The following EFCAB11 variants were observed in gnomAD, a reference collection of about 807,000 sequenced individuals.
EFCAB11 encodes the protein EF-hand calcium-binding domain-containing protein 11.
EFCAB11 carries 14 observed loss-of-function variants against 23.0 expected under a neutral mutation model. The observed-to-expected ratio is 0.61, with a 90% CI of 0.40 to 0.95. EFCAB11 has a LOEUF of 0.95. EFCAB11 is among the 40% of genes least tolerant of loss of function. The probability of loss-of-function intolerance (pLI) is 0.00; values close to 1 mark genes in which losing one functional copy is unlikely to be tolerated. For synonymous variants in EFCAB11, 65 were observed against 66.6 expected (o/e 0.98, Z 0.11); for missense variants, 198 against 195.8 (o/e 1.01, Z -0.07).
intron 5 of EFCAB11, among the ~76,000 whole-genome samples, chr14:89,814,519 A>G (rs989321906): frequency 1.9e-4 from 29 of 152,102 alleles, no homozygotes; most frequent in African/African-American, 6.8e-4. Flanking sequence ...AGCCTGACCA[A>G]CATGGAGAAA....
At chr14:89,860,008 C>T (rs902397435) in intron 5 of EFCAB11, among the ~76,000 whole-genome samples, 4 of 152,184 alleles carry the variant, frequency 2.6e-5, no homozygotes, top group African/African-American at 9.7e-5. Flanking sequence ...GGAACAGAAC[C>T]TAGGTCCTAT....
At chr14:89,825,343 G>A (rs550918325) in intron 5 of EFCAB11, among the ~76,000 whole-genome samples, 2 of 152,216 alleles carry the variant, frequency 1.3e-5, no homozygotes, top group South Asian at 4.1e-4. Context: ...AGTTAAAGCA[G>A]TCCTTAGATG....
chr14:89,919,008 C>A (rs1022367540), intron 5 of EFCAB11, among the ~76,000 whole-genome samples: 1 of 151,110 alleles, frequency 6.6e-6, no homozygotes, highest in Non-Finnish European at 1.5e-5. Flanking sequence ...GGTGGGGGAA[C>A]TGAGTACAGA....
intron 5 of EFCAB11, among the ~76,000 whole-genome samples, chr14:89,887,649 C>G (rs987793515): frequency 6.6e-6 from 1 of 151,982 alleles, no homozygotes. Flanking sequence ...CTGAAAGAAA[C>G]CAGTAAAAGT....
chr14:89,929,403 T>C (rs374723589), intron 5 of EFCAB11, among the ~76,000 whole-genome samples: 2 of 152,138 alleles, frequency 1.3e-5, no homozygotes. Context: ...TTACAGATTT[T>C]TGAGACAGAG....
At chr14:89,877,984 T>C (rs1440920721) in intron 5 of EFCAB11, among the ~76,000 whole-genome samples, 2 of 152,240 alleles carry the variant, frequency 1.3e-5, no homozygotes, top group Non-Finnish European at 2.9e-5. Context: ...GCCTGATTAT[T>C]ACCACTTTTG....
intron 5 of EFCAB11, among the ~76,000 whole-genome samples, chr14:89,884,025 G>A (rs1436706289): frequency 6.6e-6 from 1 of 152,104 alleles, no homozygotes; most frequent in African/African-American, 2.4e-5. Flanking sequence ...TACTCCAGAG[G>A]CGGAGGTGGG....
At chr14:89,809,763 T>C (rs1424172970) in intron 5 of EFCAB11, among the ~76,000 whole-genome samples, 1 of 152,132 alleles carries the variant, frequency 6.6e-6, no homozygotes, top group Non-Finnish European at 1.5e-5. Context: ...AGAAAGAGAA[T>C]GAATTGGGCA....
At chr14:89,843,177 A>T (rs1458417646) in intron 5 of EFCAB11, among the ~76,000 whole-genome samples, 1 of 152,134 alleles carries the variant, frequency 6.6e-6, no homozygotes, top group Non-Finnish European at 1.5e-5. Flanking sequence ...TGGCTTCAGG[A>T]TTCCCTTATA....
intron 5 of EFCAB11, among the ~76,000 whole-genome samples, chr14:89,865,405 G>T (rs945669128): frequency 2.6e-5 from 4 of 152,184 alleles, no homozygotes; most frequent in African/African-American, 9.7e-5. Flanking sequence ...TTGATTTAGA[G>T]ACTGACATAT....
At chr14:89,930,268 T>C (rs548433057) in intron 5 of EFCAB11, among the ~76,000 whole-genome samples, 16 of 152,342 alleles carry the variant, frequency 1.1e-4, no homozygotes, top group Non-Finnish European at 1.8e-4. Context: ...TTCATTCAAA[T>C]AACCTATTTA....
rs1457877704 is a variant in EFCAB11 at position 89,932,592 on chromosome 14, T to C, written c.253A>G (p.Lys85Glu). 6.2e-7 allele frequency: 1 copy of C among 1,613,896 alleles called. No individual in the cohort carries two copies. The change falls in exon 4 of 6, where the codon AAA becomes GAA. Residue 85 changes from lysine to glutamate, a missense_variant. Transcript: ENST00000316738. The part of the protein sequence containing the change: ...LLEGFLNIVR[K>E]KKEAQRYRNE... The stretch of plus-strand genomic sequence containing the variant: ...CGATATCGTTGAGCTTCCTTCTTTT[T>C]CCTGACAATATTTAAAAACCCCTCG...
At chr14:89,897,848 C>T (rs1401864543) in intron 5 of EFCAB11, among the ~76,000 whole-genome samples, 1 of 152,078 alleles carries the variant, frequency 6.6e-6, no homozygotes, top group Middle Eastern at 3.2e-3. Flanking sequence ...CTTATTTATA[C>T]AACCTGTTGG....
intron 5 of EFCAB11, chr14:89,924,333 T>C: frequency 4.6e-6 from 5 of 1,094,942 alleles, no homozygotes; most frequent in Non-Finnish European, 5.6e-6. Context: ...GGTGCCTCGA[T>C]ATTGCCACTT....
intron 5 of EFCAB11, among the ~76,000 whole-genome samples, chr14:89,825,597 G>C (rs1183592574): frequency 6.6e-6 from 1 of 152,036 alleles, no homozygotes; most frequent in Non-Finnish European, 1.5e-5. Context: ...TGGGGGAGGG[G>C]AGAAGAAAAC....
intron 5 of EFCAB11, among the ~76,000 whole-genome samples, chr14:89,822,573 C>T (rs1490143046): frequency 6.6e-6 from 1 of 152,044 alleles, no homozygotes; most frequent in Non-Finnish European, 1.5e-5. Context: ...AGGAGCTGTG[C>T]AGAAAAAAAG....
At chr14:89,812,471 T>C (rs748294592) in intron 5 of EFCAB11, among the ~76,000 whole-genome samples, 1 of 152,148 alleles carries the variant, frequency 6.6e-6, no homozygotes, top group Non-Finnish European at 1.5e-5. Flanking sequence ...TTACCATTCA[T>C]CTGGAAAATA....
At chr14:89,797,566 A>G (rs901535182) in intron 5 of EFCAB11, among the ~76,000 whole-genome samples, 3 of 152,192 alleles carry the variant, frequency 2.0e-5, no homozygotes, top group African/African-American at 7.2e-5. Flanking sequence ...GAAGCCAAAT[A>G]CACAGATTAT....
intron 5 of EFCAB11, among the ~76,000 whole-genome samples, chr14:89,854,355 T>C (rs1274737377): frequency 6.6e-6 from 1 of 152,048 alleles, no homozygotes; most frequent in Non-Finnish European, 1.5e-5. Context: ...TACAGGGCAA[T>C]GTGGTAGCTC....
Sources: gnomAD v4.1 joint callset for allele counts (sites outside exome capture counted in the v4.1 genomes callset) on GRCh38, gnomAD v4.1.1 for gene constraint, MANE v1.5 for transcripts, NCBI Gene and HGNC (gene_info 2026-07-23, HGNC 2026-07-21) for gene names.